Variants in METTL15 observed in about 807,000 individuals in gnomAD.
METTL15 encodes 12S rRNA N(4)-cytidine methyltransferase METTL15.
METTL15 carries 34 observed loss-of-function variants against 38.3 expected under a neutral mutation model. The ratio of observed to expected loss-of-function variants is 0.89; its 90% CI spans 0.68 to 1.18. METTL15 has a LOEUF of 1.18. METTL15 is among the 50% of genes most tolerant of loss of function. The pLI is 0.00. For synonymous variants in METTL15, 162 were observed against 170.9 expected, an observed-to-expected ratio of 0.95 and a Z score of 0.41; for missense variants, 438 against 498.4, an observed-to-expected ratio of 0.88 and a Z score of 1.15.
chr11:28,454,278 G>T (rs986432755), intron 6 of METTL15, among the ~76,000 whole-genome samples: 10 of 152,276 alleles, frequency 6.6e-5, no homozygotes, highest in African/African-American at 2.4e-4. Context: ...CTTGACATCT[G>T]CCACCCTCGG....
chr11:28,365,080 G>A (rs1234512324), intron 5 of METTL15, among the ~76,000 whole-genome samples: 3 of 152,164 alleles, frequency 2.0e-5, no homozygotes, highest in Non-Finnish European at 4.4e-5. Flanking sequence ...TGGCTTGCTA[G>A]TATTTTGTTG....
chr11:28,521,091 T>G (rs900416586), intron 6 of METTL15, among the ~76,000 whole-genome samples: 19 of 152,266 alleles, frequency 1.2e-4, no homozygotes, highest in African/African-American at 4.6e-4. Context: ...AAAAATCAAC[T>G]CCTTTAAAAA....
chr11:28,209,408 A>G (rs770266857), intron 3 of METTL15, among the ~76,000 whole-genome samples: 12 of 152,014 alleles, frequency 7.9e-5, no homozygotes, highest in Non-Finnish European at 1.6e-4. Context: ...ATCGATGTGT[A>G]AAATAAGTGA....
chr11:28,377,384 T>C (rs556024713), intron 5 of METTL15, among the ~76,000 whole-genome samples: 3 of 152,270 alleles, frequency 2.0e-5, no homozygotes, highest in East Asian at 3.9e-4. Context: ...CTCTAAACTT[T>C]CCTTCTCGCT....
chr11:28,259,401 T>A (rs1177228802), intron 4 of METTL15, among the ~76,000 whole-genome samples: 1 of 152,098 alleles, frequency 6.6e-6, no homozygotes, highest in Non-Finnish European at 1.5e-5. Context: ...GAGTACATCA[T>A]GTACCCGCCA....
chr11:28,377,104 A>G (rs1590351347), intron 5 of METTL15, among the ~76,000 whole-genome samples: 1 of 141,308 alleles, frequency 7.1e-6, no homozygotes, highest in Non-Finnish European at 1.6e-5. Flanking sequence ...TTTTTCCTTC[A>G]TTTCAACTTT....
At position 28,211,612 on chromosome 11, in the gene METTL15, T is replaced by C. The variant is rs189736455; in HGVS notation, c.407+414T>C. 1.1e-4 allele frequency among the ~76,000 whole-genome samples: 17 copies of C among 152,160 alleles called. No homozygotes were observed. The East Asian group carries it at 3.3e-3, about 29-fold the overall frequency. ...GGACATATACATCAACATAATATAC[T>C]TGTTTCCTTTGAATTTTCTGAAATT... is the stretch of plus-strand genomic sequence containing the variant. On this transcript the variant is annotated intron_variant, in intron 4 of 6. Transcript: ENST00000407364.
chr11:28,432,109 G>A (rs577956491), intron 6 of METTL15, among the ~76,000 whole-genome samples: 1 of 152,284 alleles, frequency 6.6e-6, no homozygotes, highest in African/African-American at 2.4e-5. Flanking sequence ...GAATACCTTT[G>A]TGTGCCATGC....
At chr11:28,361,831 C>G (rs1257278329) in intron 4 of METTL15, 4 of 152,134 alleles carry the variant, frequency 2.6e-5, no homozygotes, top group Admixed American at 6.6e-5. Flanking sequence ...AGTTTTTGCT[C>G]TAAAGCTCCT....
intron 6 of METTL15, among the ~76,000 whole-genome samples, chr11:28,487,294 C>G (rs1199398992): frequency 6.6e-6 from 1 of 151,970 alleles, no homozygotes; most frequent in Non-Finnish European, 1.5e-5. Context: ...ATTGAAATAA[C>G]TAAAAGCTAA....
At chr11:28,405,941 A>G (rs181129086) in intron 5 of METTL15, among the ~76,000 whole-genome samples, 5 of 152,146 alleles carry the variant, frequency 3.3e-5, no homozygotes, top group African/African-American at 1.2e-4. Context: ...TATTTCTGAG[A>G]TCTCTATTCT....
chr11:28,179,552 C>T lies in METTL15; in HGVS notation c.271-31510C>T, dbSNP rs1052518281. On this transcript the variant is annotated intron_variant, in intron 3 of 6. Transcript: ENST00000407364. Reference sequence around the variant, plus strand: ...AAACTAATTTATGGCTGGCTTTCTGCATTCAACATGTTTGTGATAGTCATC... The same window carrying T: ...AAACTAATTTATGGCTGGCTTTCTGTATTCAACATGTTTGTGATAGTCATC... 2.0e-5 allele frequency among the ~76,000 whole-genome samples: 3 copies of T among 151,870 alleles called. No individual in the cohort carries two copies. The East Asian group carries it at 5.8e-4, about 29-fold the overall frequency.
chr11:28,146,223 T>A (rs1473700078), intron 3 of METTL15, among the ~76,000 whole-genome samples: 1 of 152,098 alleles, frequency 6.6e-6, no homozygotes, highest in South Asian at 2.1e-4. Context: ...TCACAAGGTT[T>A]TAACTAAGAA....
chr11:28,113,651 T>G (rs369071472), intron 3 of METTL15, 47 bp downstream of exon 3: 35 of 1,575,844 alleles, frequency 2.2e-5, no homozygotes, highest in Admixed American at 7.2e-5. Flanking sequence ...GAGATAAAAT[T>G]CACTTATTGT....
At position 28,232,512 on chromosome 11, in the gene METTL15, TAGTA is replaced by T. The variant is rs1205772184; in HGVS notation, c.407+21318_407+21321del. On this transcript the variant is annotated intron_variant, in intron 4 of 6. Transcript: ENST00000407364. ...TTGAAAGAAAAAGTATACTATATAA[TAGTA>T]AGTTATTAAATAATAATTAAAGATA... Among the ~76,000 whole-genome samples the T allele has an allele frequency of 4.6e-5, 7 of 151,812 alleles. No homozygotes were observed. The East Asian group carries it at 1.2e-3, about 25-fold the overall frequency.
intron 4 of METTL15, among the ~76,000 whole-genome samples, chr11:28,258,362 C>G (rs1855057810): frequency 1.3e-5 from 2 of 152,128 alleles, no homozygotes; most frequent in South Asian, 4.1e-4. Flanking sequence ...TGCCCAAGGC[C>G]TCCTATAACT....
At chr11:28,254,572 GGA>G (rs1854893455) in intron 4 of METTL15, among the ~76,000 whole-genome samples, 1 of 152,072 alleles carries the variant, frequency 6.6e-6, no homozygotes, top group Non-Finnish European at 1.5e-5. Context: ...TCAGTGTCTT[GGA>G]GAGTCACTCA....
In METTL15 at chr11:28,282,065, G is replaced by A. The variant is rs112009263; in HGVS notation, c.408-8141G>A. Among the ~76,000 whole-genome samples, 5 of 152,270 alleles carry A rather than the reference G, an allele frequency of 3.3e-5. 1 individual carries two copies. Among genetic ancestry groups the A allele is most frequent in the African/African-American group, 1.2e-4 (5 of 41,542 alleles). On this transcript the variant is annotated intron_variant, in intron 4 of 6. Transcript: ENST00000407364. ...TTTCTTGAAGGGAAGGAAGGACAATGGTTAGTAAAGATAATGCTTTCAAAG... is the reference window on the plus strand; with the variant it reads ...TTTCTTGAAGGGAAGGAAGGACAATAGTTAGTAAAGATAATGCTTTCAAAG...
At chr11:28,229,244 T>G (rs1465651910) in intron 4 of METTL15, among the ~76,000 whole-genome samples, 1 of 151,992 alleles carries the variant, frequency 6.6e-6, no homozygotes, top group Non-Finnish European at 1.5e-5. Context: ...AAACTTTCAT[T>G]GGCATACACC....
Sources: allele counts gnomAD v4.1 joint callset (sites outside exome capture counted in the v4.1 genomes callset), GRCh38; gene constraint gnomAD v4.1.1; transcripts MANE v1.5; gene names NCBI Gene and HGNC (gene_info 2026-07-23, HGNC 2026-07-21).